The following AP1B1 variants were observed in gnomAD, a reference collection of about 807,000 sequenced individuals.
AP1B1 encodes adaptor related protein complex 1 subunit beta 1, also known as AP-1 complex subunit beta-1.
Under a neutral mutation model 104.3 loss-of-function variants are expected in AP1B1, and 36 were observed. The observed-to-expected ratio is 0.35, with a 90% CI of 0.26 to 0.46. The LOEUF is 0.46. Among genes scored for constraint, AP1B1 ranks in the 20% least tolerant of loss-of-function variants. The pLI is 1.00. For synonymous variants in AP1B1, 504 were observed against 517.5 expected, an observed-to-expected ratio of 0.97 and a Z score of 0.35; for missense variants, 901 against 1,247.9, an observed-to-expected ratio of 0.72 and a Z score of 4.19.
intron 10 of AP1B1, among the ~76,000 whole-genome samples, chr22:29,349,770 C>G (rs1202597478): frequency 6.6e-6 from 1 of 152,212 alleles, no homozygotes; most frequent in Non-Finnish European, 1.5e-5. Flanking sequence ...CCCGCCTCGG[C>G]CTCCCAAAGT....
chr22:29,387,781 G>C (rs1277615721), intron 1 of AP1B1, among the ~76,000 whole-genome samples: 1 of 152,182 alleles, frequency 6.6e-6, no homozygotes, highest in Non-Finnish European at 1.5e-5. Context: ...ATAAAATAGG[G>C]ATATTTAATC....
At position 29,354,663 on chromosome 22, in the gene AP1B1, T is replaced by C. The variant is rs1364577725; in HGVS notation, c.925A>G (p.Ile309Val). 3 of 1,603,988 alleles carry C rather than the reference T, an allele frequency of 1.9e-6. No homozygotes were observed. Among genetic ancestry groups the C allele is most frequent in the East Asian group, 4.5e-5 (2 of 44,776 alleles). ...QYVALRNINLIVQKRPEILKH... is the reference protein window; with the variant it reads ...QYVALRNINLVVQKRPEILKH... ...TGACCTCAGTACCTTTTCTGCACGA[T>C]GAGATTGATGTTGCGCAGGGCCACA... Residue 309 changes from isoleucine to valine, a missense_variant, in exon 7 of 23, where the codon ATC (isoleucine) becomes GTC (valine). By Grantham distance (29) the Ile-to-Val change is conservative. This residue lies in a region of AP1B1 where 471 missense variants were observed against 696.7 expected (regional missense o/e 0.68). Coordinates refer to ENST00000357586, the MANE Select transcript of AP1B1 (RefSeq NM_001127.4).
intron 11 of AP1B1, among the ~76,000 whole-genome samples, chr22:29,344,557 C>T (rs1308966125): frequency 1.5e-5 from 2 of 133,290 alleles, no homozygotes; most frequent in Admixed American, 7.9e-5. Context: ...TGCAGTCTCA[C>T]TCTCCTGCCC....
chr22:29,342,181 T>A, intron 12 of AP1B1, 104 bp downstream of exon 12: 1 of 917,704 alleles, frequency 1.1e-6, no homozygotes. Flanking sequence ...ACAAGATACC[T>A]GTCTTAGGAG....
intron 17 of AP1B1, among the ~76,000 whole-genome samples, chr22:29,332,533 A>T (rs1210036307): frequency 6.6e-6 from 1 of 152,108 alleles, no homozygotes; most frequent in Non-Finnish European, 1.5e-5. Context: ...GTCACAGGGC[A>T]TGGGACTGGG....
In AP1B1 at chr22:29,359,047, G is replaced by A. The variant is rs2062004370; in HGVS notation, c.280-76C>T. On this transcript the variant is annotated intron_variant, in intron 4 of 22. Transcript: ENST00000357586. Reference sequence around the variant, plus strand: ...GGCTTCATATTCTCCCTGGCCTGCAGCTCTGAGCCCTGCTAGGCTGAGCGA... The same window carrying A: ...GGCTTCATATTCTCCCTGGCCTGCAACTCTGAGCCCTGCTAGGCTGAGCGA... 1.5e-5 allele frequency: 22 copies of A among 1,428,048 alleles called. No individual in the cohort carries two copies. The East Asian group carries it at 4.4e-4, about 28-fold the overall frequency. 88.5% of individuals were successfully genotyped at this position (1,428,048 alleles called of 1,614,324 possible). A position where few individuals can be genotyped will look rare whatever the true frequency, so the allele number is the denominator to read the frequency against.
In AP1B1 at chr22:29,386,645, A is replaced by G. The variant is rs145910280; in HGVS notation, c.-28+1779T>C. 3.4e-3 allele frequency among the ~76,000 whole-genome samples: 523 copies of G among 152,260 alleles called. 8 individuals carry two copies. The highest frequency in any genetic ancestry group is 0.012 in the African/African-American group (489 of 41,544). ...TTCAATGGAACTAGGAGAATAGATC[A>G]CACAGCTTAAAAAAAAAAGGTATTA... On this transcript the variant is annotated intron_variant, in intron 1 of 22. Transcript: ENST00000357586.
At chr22:29,360,844 T>C (rs980576370) in intron 3 of AP1B1, among the ~76,000 whole-genome samples, 4 of 152,194 alleles carry the variant, frequency 2.6e-5, no homozygotes, top group East Asian at 3.9e-4. Context: ...GAAATCATCA[T>C]ATCCCCTCTC....
In AP1B1 at chr22:29,386,780, T is replaced by C. The variant is rs138748755; in HGVS notation, c.-28+1644A>G. Reference sequence around the variant, plus strand: ...ACAGGAAGGCGGCAGGTCTTTCTCATGTTGATGTCAGGGAAACTGAGGCAG... The same window carrying C: ...ACAGGAAGGCGGCAGGTCTTTCTCACGTTGATGTCAGGGAAACTGAGGCAG... On this transcript the variant is annotated intron_variant, in intron 1 of 22. Coordinates refer to ENST00000357586, the MANE Select transcript of AP1B1 (RefSeq NM_001127.4). Among the ~76,000 whole-genome samples, 1,269 of 152,338 alleles carry C rather than the reference T, an allele frequency of 8.3e-3. 9 individuals are homozygous for C. The highest frequency in any genetic ancestry group is 0.014 in the Non-Finnish European group (976 of 68,032).
intron 1 of AP1B1, among the ~76,000 whole-genome samples, chr22:29,385,393 G>GA (rs1432624514): frequency 6.6e-6 from 1 of 152,092 alleles, no homozygotes; most frequent in African/African-American, 2.4e-5. Flanking sequence ...CTCGAAAAAA[G>GA]AAAAAGAGTT....
intron 4 of AP1B1, among the ~76,000 whole-genome samples, chr22:29,359,351 T>C (rs2062008948): frequency 1.3e-5 from 2 of 152,136 alleles, no homozygotes; most frequent in Non-Finnish European, 2.9e-5. Context: ...CATTTCCCCA[T>C]ATCCGAGCAC....
intron 5 of AP1B1, among the ~76,000 whole-genome samples, chr22:29,357,612 C>T (rs552742075): frequency 3.1e-4 from 47 of 151,852 alleles, no homozygotes; most frequent in Middle Eastern, 3.4e-3. Flanking sequence ...GTGATCCACC[C>T]GCCTCAGCCT....
At chr22:29,348,516 TTCAATG>T (rs947853998) in intron 11 of AP1B1, among the ~76,000 whole-genome samples, 1 of 152,196 alleles carries the variant, frequency 6.6e-6, no homozygotes, top group Non-Finnish European at 1.5e-5. Context: ...TGGCCATGAG[TTCAATG>T]TCAATGAATT....
chr22:29,378,752 G>C (rs1247249897), intron 1 of AP1B1, among the ~76,000 whole-genome samples: 1 of 149,972 alleles, frequency 6.7e-6, no homozygotes, highest in East Asian at 2.0e-4. Context: ...CCAGCTACTC[G>C]GGAGGCTGAG....
At chr22:29,366,426 C>T (rs1304176853) in intron 2 of AP1B1, among the ~76,000 whole-genome samples, 1 of 152,132 alleles carries the variant, frequency 6.6e-6, no homozygotes, top group Non-Finnish European at 1.5e-5. Context: ...CACCTGAGGT[C>T]AGGAGTTTCA....
intron 9 of AP1B1, among the ~76,000 whole-genome samples, chr22:29,350,688 G>A (rs1294752489): frequency 1.3e-5 from 2 of 152,178 alleles, no homozygotes; most frequent in Non-Finnish European, 1.5e-5. Context: ...CCCATTTAAG[G>A]AGAATCTGGC....
Position 29,361,749 on chromosome 22 carries a change from A to G in AP1B1, c.143+1252T>C, listed in dbSNP as rs187463683. 1.4e-3 allele frequency among the ~76,000 whole-genome samples: 214 copies of G among 151,942 alleles called. 1 individual carries two copies. Among genetic ancestry groups the G allele is most frequent in the East Asian group, 0.011 (57 of 5,180 alleles). On this transcript the variant is annotated intron_variant, in intron 3 of 22. Coordinates refer to ENST00000357586, the MANE Select transcript of AP1B1 (RefSeq NM_001127.4). ...ACAGCAAATGCTTTGAGTTTGAGGT[A>G]GTGGGCTGGGGTGATCAGGGAAGGA...
At chr22:29,342,212 A>T in intron 12 of AP1B1, 73 bp downstream of exon 12, 2 of 1,278,352 alleles carry the variant, frequency 1.6e-6, no homozygotes, top group Non-Finnish European at 2.2e-6. Flanking sequence ...TTCCAGGTCT[A>T]GTTCCTGGGA....
intron 1 of AP1B1, among the ~76,000 whole-genome samples, chr22:29,376,888 G>T (rs2062351786): frequency 6.6e-6 from 1 of 152,116 alleles, no homozygotes; most frequent in South Asian, 2.1e-4. Flanking sequence ...TCATTTGTCT[G>T]ACAATCTCCT....
Sources: gnomAD v4.1 joint callset for allele counts (sites outside exome capture counted in the v4.1 genomes callset) on GRCh38, gnomAD v4.1.1 for gene constraint, gnomAD v4.1.1 regional missense constraint, MANE v1.5 for transcripts, NCBI Gene and HGNC (gene_info 2026-07-23, HGNC 2026-07-21) for gene names.